Variants in SLF1 observed in about 807,000 individuals in gnomAD.
The protein encoded by SLF1 is SMC5/6 complex localization factor 1, also known as SMC5-SMC6 complex localization factor protein 1.
SLF1 carries 105 observed loss-of-function variants against 123.0 expected under a neutral mutation model. The observed-to-expected ratio is 0.85, with a 90% CI of 0.73 to 1.00. The LOEUF (loss-of-function observed/expected upper bound fraction) is 1.00, where lower values mean the gene tolerates loss of function less well. SLF1 is among the 50% of genes least tolerant of loss of function. SLF1 has a pLI of 0.00. For synonymous variants in SLF1, 434 were observed against 406.6 expected, an observed-to-expected ratio of 1.07 and a Z score of -0.81; for missense variants, 1,239 against 1,223.0, an observed-to-expected ratio of 1.01 and a Z score of -0.20.
At chr5:94,631,802 T>C (rs1452445454) in intron 4 of SLF1, among the ~76,000 whole-genome samples, 1 of 152,150 alleles carries the variant, frequency 6.6e-6, no homozygotes, top group Admixed American at 6.6e-5. Context: ...ATGGCAATTA[T>C]GTGTGTAACA....
At chr5:94,659,360 C>A (rs1362528357) in intron 9 of SLF1, among the ~76,000 whole-genome samples, 1 of 151,886 alleles carries the variant, frequency 6.6e-6, no homozygotes, top group Admixed American at 6.6e-5. Context: ...GAATCTGTTG[C>A]TGGAGAATTA....
intron 15 of SLF1, among the ~76,000 whole-genome samples, chr5:94,684,504 C>T (rs541428307): frequency 1.3e-5 from 2 of 151,952 alleles, no homozygotes; most frequent in Non-Finnish European, 2.9e-5. Context: ...TGAGACCATC[C>T]TGGCTAACAC....
At chr5:94,649,812 G>T (rs1047301415) in intron 6 of SLF1, among the ~76,000 whole-genome samples, 1 of 152,082 alleles carries the variant, frequency 6.6e-6, no homozygotes, top group Non-Finnish European at 1.5e-5. Context: ...AATACACAGA[G>T]TTCCTTATAC....
At chr5:94,638,401 G>A (rs1411337631) in intron 4 of SLF1, among the ~76,000 whole-genome samples, 1 of 151,902 alleles carries the variant, frequency 6.6e-6, no homozygotes, top group Non-Finnish European at 1.5e-5. Context: ...GGCTAGTCTC[G>A]ATCTCTGACC....
chr5:94,683,414 T>C (rs892267338), intron 15 of SLF1, among the ~76,000 whole-genome samples: 1 of 152,210 alleles, frequency 6.6e-6, no homozygotes, highest in Non-Finnish European at 1.5e-5. Flanking sequence ...TTTTTTTATT[T>C]TATTTTTACT....
At chr5:94,657,245 T>A (rs1029068121) in intron 9 of SLF1, among the ~76,000 whole-genome samples, 1 of 151,950 alleles carries the variant, frequency 6.6e-6, no homozygotes, top group Non-Finnish European at 1.5e-5. Flanking sequence ...ATGTTGTGTT[T>A]CCATTTTTAT....
In SLF1 at chr5:94,653,415, A is replaced by T; in HGVS notation, c.1026A>T (p.Arg342Ser). The T allele has an allele frequency of 6.7e-7, 1 of 1,495,840 alleles. No individual in the cohort carries two copies. The highest frequency in any genetic ancestry group is 8.8e-7 in the Non-Finnish European group (1 of 1,130,108). The allele number at this position is 1,495,840 out of a possible 1,614,324, so 92.7% of individuals were successfully genotyped here. A position where few individuals can be genotyped will look rare whatever the true frequency, so the allele number is the denominator to read the frequency against. Residue 342 changes from arginine to serine, a missense_variant, in exon 8 of 21, where the codon AGA becomes AGT. Coordinates refer to ENST00000265140, the MANE Select transcript of SLF1 (RefSeq NM_032290.4). ...CCTTAAGAAGGCACATATATAATAG[A>T]GATCAGGTAAAGTTTGTAAGCTAAG... Reference protein sequence around the residue: ...KSTLRRHIYNRDQKEMKNSIF... With the variant: ...KSTLRRHIYNSDQKEMKNSIF...
At chr5:94,630,205 A>C (rs1201112471) in intron 3 of SLF1, among the ~76,000 whole-genome samples, 1 of 152,188 alleles carries the variant, frequency 6.6e-6, no homozygotes, top group Non-Finnish European at 1.5e-5. Flanking sequence ...TAGAATTATA[A>C]AATTGTAATT....
Position 94,649,621 on chromosome 5 carries a change from A to G in SLF1, c.738+24A>G, listed in dbSNP as rs554895287. The G allele has an allele frequency of 6.3e-5, 90 of 1,435,762 alleles. No homozygotes were observed. In the African/African-American group the frequency reaches 9.4e-4, roughly 15 times the overall value. 88.9% of individuals were successfully genotyped at this position (1,435,762 alleles called of 1,614,324 possible). On this transcript the variant is annotated intron_variant, in intron 6 of 20. Coordinates refer to ENST00000265140, the MANE Select transcript of SLF1 (RefSeq NM_032290.4). ...AGGTAAACTTTATAGGCTGAAAAAC[A>G]TACATTTCTGATGTTTCTTATAGAA...
rs753324954 is a variant in SLF1 at position 94,678,826 on chromosome 5, G to T, written c.1846G>T (p.Ala616Ser). 1 of 1,613,028 alleles carries T rather than the reference G, an allele frequency of 6.2e-7. No individual in the cohort carries two copies. Among genetic ancestry groups the T allele is most frequent in the Non-Finnish European group, 8.5e-7 (1 of 1,179,306 alleles). ...KSNDVFKHEL[A>S]YLLAGILGAA... ...ATGTTAGGTCTTCAAACATGAACTAGCTTACTTATTGGCTGGAATTCTTGG... is the reference window on the plus strand; with the variant it reads ...ATGTTAGGTCTTCAAACATGAACTATCTTACTTATTGGCTGGAATTCTTGG... The change falls in exon 15 of 21, where the codon GCT becomes TCT. Residue 616 changes from alanine (A) to serine (S), a missense_variant. Transcript: ENST00000265140.
chr5:94,630,708 T>C lies in SLF1; in HGVS notation c.396T>C (p.Leu132=). Residue 132 remains leucine, a synonymous_variant, in exon 4 of 21, where the codon CTT becomes CTC. Transcript: ENST00000265140. The part of the protein sequence containing the change: ...GAFHRWKVVL[L]VRTDKRSDSL... Reference sequence around the variant, plus strand: ...TCCACAGATGGAAAGTTGTCCTCCTTGTTAGAACTGATAAGCGAAGTGATT... The same window carrying C: ...TCCACAGATGGAAAGTTGTCCTCCTCGTTAGAACTGATAAGCGAAGTGATT... 11 of 1,551,656 alleles carry C rather than the reference T, an allele frequency of 7.1e-6. No individual in the cohort carries two copies. Among genetic ancestry groups the C allele is most frequent in the African/African-American group, 1.4e-5 (1 of 73,172 alleles).
intron 6 of SLF1, 60 bp from the exon 7 acceptor site, chr5:94,651,642 A>G: frequency 7.5e-7 from 1 of 1,336,448 alleles, no homozygotes; most frequent in South Asian, 1.7e-5. Flanking sequence ...ACTTGTGTTG[A>G]TTGTGTTAAG....
At chr5:94,687,196 C>A (rs200603631) in intron 16 of SLF1, among the ~76,000 whole-genome samples, 1 of 152,022 alleles carries the variant, frequency 6.6e-6, no homozygotes, top group Non-Finnish European at 1.5e-5. Flanking sequence ...AGCCAGCGGC[C>A]GTGCTGAGTG....
chr5:94,696,498 T>G lies in SLF1; in HGVS notation c.*1186T>G, dbSNP rs1753518051. 1 of 151,846 alleles carries G rather than the reference T, an allele frequency of 6.6e-6. No homozygotes were observed. The highest frequency in any genetic ancestry group is 1.5e-5 in the Non-Finnish European group (1 of 67,856). 9.4% of individuals were successfully genotyped at this position (151,846 alleles called of 1,614,324 possible). A position where few individuals can be genotyped will look rare whatever the true frequency, so the allele number is the denominator to read the frequency against. The stretch of plus-strand genomic sequence containing the variant: ...ACTAGTTTCTATTTAGCCTTCAAAT[T>G]TGGCATCATACAAATCTCTTTATTA... On this transcript the variant is annotated 3_prime_UTR_variant, in exon 21 of 21. Transcript: ENST00000265140.
chr5:94,669,561 A>G (rs940247550), intron 12 of SLF1, among the ~76,000 whole-genome samples: 6 of 152,218 alleles, frequency 3.9e-5, no homozygotes, highest in Middle Eastern at 3.4e-3. Flanking sequence ...TATTCAGACA[A>G]AGTAATTAAA....
chr5:94,640,059 C>T (rs1746272973), intron 4 of SLF1, among the ~76,000 whole-genome samples: 1 of 152,106 alleles, frequency 6.6e-6, no homozygotes, highest in Non-Finnish European at 1.5e-5. Flanking sequence ...TGAAATGTAT[C>T]TTCAGTATTT....
chr5:94,693,662 A>G (rs1229214752), intron 20 of SLF1, among the ~76,000 whole-genome samples: 1 of 151,780 alleles, frequency 6.6e-6, no homozygotes, highest in East Asian at 1.9e-4. Context: ...ATTCATTGTG[A>G]GTCACTCAGC....
At chr5:94,673,956 T>A (rs1211999837) in intron 14 of SLF1, among the ~76,000 whole-genome samples, 2 of 152,110 alleles carry the variant, frequency 1.3e-5, no homozygotes, top group Non-Finnish European at 2.9e-5. Flanking sequence ...GTTTTGTGCA[T>A]GTATCTGATT....
chr5:94,630,893 G>A, intron 4 of SLF1, 150 bp downstream of exon 4: 1 of 802,360 alleles, frequency 1.2e-6, no homozygotes. Flanking sequence ...TGCTCGTTTA[G>A]ACTTATGTGT....
Sources: gnomAD v4.1 joint callset for allele counts (sites outside exome capture counted in the v4.1 genomes callset) on GRCh38, gnomAD v4.1.1 for gene constraint, MANE v1.5 for transcripts, NCBI Gene and HGNC (gene_info 2026-07-23, HGNC 2026-07-21) for gene names.